IFI16: variants seen among roughly 807,000 people sequenced by gnomAD.
The protein encoded by IFI16 is interferon gamma inducible protein 16.
Under a neutral mutation model 68.4 loss-of-function variants are expected in IFI16, and 49 were observed. That is an observed-to-expected ratio of 0.72 (90% CI 0.57 to 0.91). The LOEUF (loss-of-function observed/expected upper bound fraction) is 0.91, where lower values mean the gene tolerates loss of function less well. Among genes scored for constraint, IFI16 ranks in the 40% least tolerant of loss-of-function variants. The probability of loss-of-function intolerance (pLI) is 0.00; values close to 1 mark genes in which losing one functional copy is unlikely to be tolerated. For synonymous variants in IFI16, 307 were observed against 315.0 expected, an observed-to-expected ratio of 0.97 and a Z score of 0.27; for missense variants, 878 against 942.9, an observed-to-expected ratio of 0.93 and a Z score of 0.90.
intron 1 of IFI16, among the ~76,000 whole-genome samples, chr1:159,013,105 C>T (rs1469588842): frequency 2.0e-5 from 3 of 150,560 alleles, no homozygotes; most frequent in African/African-American, 7.3e-5. Context: ...ATAGATTTTC[C>T]CTTCATTCTC....
Position 159,049,832 on chromosome 1 carries a change from T to C in IFI16, c.1665+233T>C, listed in dbSNP as rs1010249555. 2.0e-4 allele frequency among the ~76,000 whole-genome samples: 31 copies of C among 152,354 alleles called. 2 individuals carry two copies. In the South Asian group the frequency reaches 2.5e-3, roughly 12 times the overall value. The stretch of plus-strand genomic sequence containing the variant: ...TTAGATGTTTGTTTAATTTTATTTT[T>C]CTTTTGGCTTACGTTTTTGTTTTTC... On this transcript the variant is annotated intron_variant, in intron 9 of 11. Coordinates refer to ENST00000295809, the MANE Select transcript of IFI16 (RefSeq NM_001376587.1).
chr1:159,006,932 G>C (rs890794878), upstream of IFI16, among the ~76,000 whole-genome samples: 3 of 152,104 alleles, frequency 2.0e-5, no homozygotes, highest in Non-Finnish European at 1.5e-5. Flanking sequence ...ACTGTTTATA[G>C]AATTGAATTG....
chr1:159,006,823 A>C (rs1652277616), upstream of IFI16, among the ~76,000 whole-genome samples: 1 of 150,998 alleles, frequency 6.6e-6, no homozygotes. Flanking sequence ...AAGTGCCAAA[A>C]AACAAACAAA....
At chr1:159,053,409 T>C (rs1655478285) in intron 10 of IFI16, 124 bp from the exon 11 acceptor site, 5 of 594,406 alleles carry the variant, frequency 8.4e-6, no homozygotes, top group Non-Finnish European at 1.5e-5. Context: ...GTACCTGTTA[T>C]TCAGGACCTA....
intron 6 of IFI16, among the ~76,000 whole-genome samples, chr1:159,025,337 AT>A (rs1032168434): frequency 1.6e-4 from 25 of 152,326 alleles, no homozygotes; most frequent in African/African-American, 5.8e-4. Flanking sequence ...TTAAAAAAAA[AT>A]AAACACCATT....
intron 10 of IFI16, 28 bp from the exon 11 acceptor site, chr1:159,053,505 G>A (rs1655484171): frequency 6.1e-6 from 9 of 1,466,488 alleles, no homozygotes; most frequent in Non-Finnish European, 8.5e-6. Flanking sequence ...TCCAGTTTCA[G>A]AAGATAAGTG....
rs1553207137 is a variant in IFI16, at chr1:159,019,262, A to AACAAC, written c.972+612_972+613insCAACA. On this transcript the variant is annotated intron_variant, in intron 5 of 11. Coordinates refer to ENST00000295809, the MANE Select transcript of IFI16 (RefSeq NM_001376587.1). ...AATTTGTCATTTATATATAAATAAC[A>AACAAC]AAAAAAAAAAATAGAGTACAGAGTG... Among the ~76,000 whole-genome samples, 8 of 76,312 alleles carry AACAAC rather than the reference A, an allele frequency of 1.0e-4. No homozygotes were observed. In the African/African-American group the frequency reaches 2.2e-3, roughly 21 times the overall value. 50.1% of individuals were successfully genotyped at this position (76,312 alleles called of 152,430 possible).
chr1:159,018,652 G>T lies in IFI16; in HGVS notation c.972+1G>T. The T allele has an allele frequency of 1.3e-6, 2 of 1,583,484 alleles. No individual in the cohort carries two copies. The highest frequency in any genetic ancestry group is 2.3e-5 in the South Asian group (2 of 87,024). On this transcript the variant is annotated splice_donor_variant, in intron 5 of 11. Coordinates refer to ENST00000295809, the MANE Select transcript of IFI16 (RefSeq NM_001376587.1). LOFTEE classifies it high-confidence loss of function. ...ATATGGGGTATTTATGCTACATAAG[G>T]TAAGTCCTCAAAATTGTTTCGTTTC...
intron 9 of IFI16, 72 bp downstream of exon 9, chr1:159,049,671 G>C (rs1309762892): frequency 6.3e-7 from 1 of 1,587,096 alleles, no homozygotes; most frequent in East Asian, 2.2e-5. Flanking sequence ...AACCGTGAAA[G>C]CACCTCACCA....
intron 7 of IFI16, among the ~76,000 whole-genome samples, chr1:159,035,512 A>G (rs1437117013): frequency 6.6e-6 from 1 of 152,236 alleles, no homozygotes; most frequent in Non-Finnish European, 1.5e-5. Context: ...TCCCTGGAGC[A>G]CAGGAATCCC....
At chr1:159,026,552 G>C (rs995742351) in intron 6 of IFI16, among the ~76,000 whole-genome samples, 11 of 151,998 alleles carry the variant, frequency 7.2e-5, no homozygotes, top group East Asian at 1.9e-4. Flanking sequence ...ACCTGGCTTG[G>C]CCTCCCAAAG....
chr1:159,048,535 G>A (rs917325959), intron 8 of IFI16, among the ~76,000 whole-genome samples: 1 of 151,388 alleles, frequency 6.6e-6, no homozygotes, highest in Non-Finnish European at 1.5e-5. Context: ...GTTTTGTTTG[G>A]GGTTTATTTC....
chr1:159,053,150 AGTGCC>A, intron 10 of IFI16: 2 of 158,674 alleles, frequency 1.3e-5, no homozygotes, highest in Admixed American at 6.4e-5. Context: ...AAACTTACAA[AGTGCC>A]ATAAAAAGCC....
intron 7 of IFI16, among the ~76,000 whole-genome samples, chr1:159,037,260 C>G (rs1290848905): frequency 2.0e-5 from 3 of 152,168 alleles, no homozygotes; most frequent in African/African-American, 7.2e-5. Flanking sequence ...GACCCTAGGA[C>G]AGGGATTCTA....
At chr1:159,018,709 T>C (rs1372980900) in intron 5 of IFI16, 58 bp downstream of exon 5, 4 of 1,223,654 alleles carry the variant, frequency 3.3e-6, no homozygotes, top group Non-Finnish European at 4.7e-6. Context: ...ATTAAAAGTC[T>C]TGATGTGTGA....
intron 1 of IFI16, among the ~76,000 whole-genome samples, chr1:159,012,626 T>C (rs560232598): frequency 6.6e-6 from 1 of 152,278 alleles, no homozygotes; most frequent in South Asian, 2.1e-4. Context: ...CAGCAAAGCA[T>C]ATTTGCTTCT....
chr1:159,016,660 A>C lies in IFI16; in HGVS notation c.509A>C (p.Lys170Thr), dbSNP rs771119336. 3.7e-6 allele frequency: 6 copies of C among 1,614,128 alleles called. No homozygotes were observed. The highest frequency in any genetic ancestry group is 1.3e-5 in the African/African-American group (1 of 75,028). ...STAMGRSPSP[K>T]TSLSAPPNSS... ...GCCATGGGCCGTTCCCCATCTCCCA[A>C]GACCTCATTGTCAGCTCCACCCAAC... is the stretch of plus-strand genomic sequence containing the variant. Residue 170 changes from lysine (K) to threonine (T), a missense_variant, in exon 4 of 12, where the codon AAG becomes ACG. By Grantham distance (78) the Lys-to-Thr change is moderately conservative. Around this residue, in one of 4 missense-constraint regions of IFI16, gnomAD observed 443 missense variants for 421.8 expected, o/e 1.05. Transcript: ENST00000295809.
chr1:159,003,837 T>C (rs1402833092), upstream of IFI16, among the ~76,000 whole-genome samples: 1 of 151,804 alleles, frequency 6.6e-6, no homozygotes, highest in African/African-American at 2.4e-5. Flanking sequence ...ATTTTTTGTA[T>C]TTTTAGTAGA....
intron 10 of IFI16, chr1:159,053,299 T>C: frequency 2.8e-6 from 1 of 363,118 alleles, no homozygotes; most frequent in Non-Finnish European, 4.9e-6. Context: ...ATCAATTTTT[T>C]TTCCTAGAAA....
Sources: gnomAD v4.1 joint callset for allele counts (sites outside exome capture counted in the v4.1 genomes callset) on GRCh38, gnomAD v4.1.1 for gene constraint, gnomAD v4.1.1 regional missense constraint, MANE v1.5 for transcripts, NCBI Gene and HGNC (gene_info 2026-07-23, HGNC 2026-07-21) for gene names.